The following SGIP1 variants were observed in gnomAD, a reference collection of about 807,000 sequenced individuals.
The protein encoded by SGIP1 is SH3-containing GRB2-like protein 3-interacting protein 1.
In SGIP1, 38 loss-of-function variants were observed where a neutral mutation model predicts 107.5. The observed-to-expected ratio is 0.35, with a 90% CI of 0.27 to 0.46. SGIP1 has a LOEUF of 0.46. Among genes scored for constraint, SGIP1 ranks in the 20% least tolerant of loss-of-function variants. The probability of loss-of-function intolerance (pLI) is 1.00; values close to 1 mark genes in which losing one functional copy is unlikely to be tolerated. For synonymous variants in SGIP1, 365 were observed against 366.1 expected (o/e 1.00, Z 0.03); for missense variants, 929 against 1,019.5 (o/e 0.91, Z 1.21).
At chr1:66,678,878 A>G (rs2085985636) in intron 13 of SGIP1, among the ~76,000 whole-genome samples, 2 of 152,204 alleles carry the variant, frequency 1.3e-5, no homozygotes, top group East Asian at 3.8e-4. Context: ...AAACTTTGGG[A>G]TGGCCTGTGA....
chr1:66,637,471 G>A (rs1000392937), intron 4 of SGIP1, among the ~76,000 whole-genome samples: 2 of 133,712 alleles, frequency 1.5e-5, no homozygotes, highest in African/African-American at 5.0e-5. Flanking sequence ...GTGTGTGTGT[G>A]TGTGTGTGTG....
chr1:66,657,764 G>A (rs143170105), intron 7 of SGIP1, among the ~76,000 whole-genome samples: 1 of 152,040 alleles, frequency 6.6e-6, no homozygotes, highest in Non-Finnish European at 1.5e-5. Flanking sequence ...TTATATTTTA[G>A]GTAAATTTAT....
chr1:66,686,819 CT>C (rs1296013104), intron 15 of SGIP1, among the ~76,000 whole-genome samples: 1 of 152,096 alleles, frequency 6.6e-6, no homozygotes, highest in Non-Finnish European at 1.5e-5. Flanking sequence ...GAACAACGAA[CT>C]TTTTTTTGAC....
At chr1:66,641,713 A>T (rs964845593) in intron 5 of SGIP1, among the ~76,000 whole-genome samples, 9 of 152,184 alleles carry the variant, frequency 5.9e-5, no homozygotes, top group Non-Finnish European at 1.3e-4. Flanking sequence ...GAATCCAAAT[A>T]TGATCATTCT....
chr1:66,598,961 CA>C (rs2065229573), intron 1 of SGIP1, among the ~76,000 whole-genome samples: 1 of 151,964 alleles, frequency 6.6e-6, no homozygotes, highest in Non-Finnish European at 1.5e-5. Context: ...AAGCACAGTC[CA>C]AAATGTAGAA....
intron 3 of SGIP1, chr1:66,634,085 G>GAA (rs745636084): frequency 6.2e-7 from 1 of 1,602,778 alleles, no homozygotes; most frequent in African/African-American, 1.3e-5. Flanking sequence ...TTCAGCAGGG[G>GAA]AAAAAAAAGA....
In SGIP1 at chr1:66,749,600, A is replaced by G. The variant is rs2094598266; in HGVS notation, c.*6505A>G. On this transcript the variant is annotated 3_prime_UTR_variant, in exon 25 of 25. Coordinates refer to ENST00000371037, the MANE Select transcript of SGIP1 (RefSeq NM_032291.4). ...AAACTGAATCACTTTACATTTCTCT[A>G]AAGATAGTTCAGTTTTTAATCCATC... is the stretch of plus-strand genomic sequence containing the variant. Among the ~76,000 whole-genome samples the G allele has an allele frequency of 6.6e-6, 1 of 152,082 alleles. No individual in the cohort carries two copies.
intron 19 of SGIP1, among the ~76,000 whole-genome samples, chr1:66,720,686 AC>A (rs1288072110): frequency 6.6e-6 from 1 of 152,202 alleles, no homozygotes; most frequent in Non-Finnish European, 1.5e-5. Flanking sequence ...TGATCACACC[AC>A]TGCACTCCAG....
At chr1:66,738,081 A>C (rs1557813860) in intron 21 of SGIP1, among the ~76,000 whole-genome samples, 1 of 152,220 alleles carries the variant, frequency 6.6e-6, no homozygotes, top group Non-Finnish European at 1.5e-5. Context: ...GATCTGCTTT[A>C]GTTAATAGAT....
intron 18 of SGIP1, among the ~76,000 whole-genome samples, chr1:66,716,970 G>A (rs1198901567): frequency 4.0e-5 from 6 of 151,634 alleles, no homozygotes; most frequent in Non-Finnish European, 8.8e-5. Context: ...AGTTCCACAC[G>A]TACATAGAAG....
chr1:66,533,865 TA>T, upstream of SGIP1, among the ~76,000 whole-genome samples: 1 of 152,010 alleles, frequency 6.6e-6, no homozygotes, highest in African/African-American at 2.4e-5. Context: ...CCTTGATAAC[TA>T]ATCTCGGGCA....
chr1:66,564,959 A>G (rs186918643), intron 1 of SGIP1, among the ~76,000 whole-genome samples: 3 of 152,130 alleles, frequency 2.0e-5, no homozygotes, highest in Non-Finnish European at 4.4e-5. Flanking sequence ...TGTGGGGCTT[A>G]TAATGATCAG....
chr1:66,619,472 C>T (rs548912814), intron 1 of SGIP1, among the ~76,000 whole-genome samples: 3 of 152,368 alleles, frequency 2.0e-5, no homozygotes, highest in East Asian at 1.9e-4. Context: ...TGGTTTGTAC[C>T]TGCCCCACCT....
At chr1:66,551,024 A>T (rs1301472471) in intron 1 of SGIP1, among the ~76,000 whole-genome samples, 1 of 152,182 alleles carries the variant, frequency 6.6e-6, no homozygotes, top group Non-Finnish European at 1.5e-5. Flanking sequence ...AATAACTAAG[A>T]TTATTATAGC....
At chr1:66,649,746 AC>A (rs1337000262) in intron 7 of SGIP1, among the ~76,000 whole-genome samples, 13 of 79,920 alleles carry the variant, frequency 1.6e-4, no homozygotes, top group South Asian at 2.1e-3. Context: ...ATGCACACAC[AC>A]AAAAAAAATA....
intron 21 of SGIP1, 74 bp downstream of exon 21, chr1:66,733,954 A>T (rs2094125899): frequency 7.1e-7 from 1 of 1,405,266 alleles, no homozygotes; most frequent in African/African-American, 1.4e-5. Context: ...TATTGAATAA[A>T]AGTAACTAAA....
At chr1:66,541,910 C>T (rs12065209) in intron 1 of SGIP1, among the ~76,000 whole-genome samples, 3,786 of 152,174 alleles carry the variant, frequency 0.025, 147 homozygotes, top group African/African-American at 0.085. Context: ...CAACAATGTC[C>T]CCCTTCTTCA....
At chr1:66,625,706 G>A (rs1020200534) in intron 1 of SGIP1, 141 bp from the exon 2 acceptor site, 1 of 616,038 alleles carries the variant, frequency 1.6e-6, no homozygotes, top group Admixed American at 3.1e-5. Flanking sequence ...TGGACATGCA[G>A]ACACACATAC....
intron 2 of SGIP1, among the ~76,000 whole-genome samples, chr1:66,630,855 GA>G (rs1359205804): frequency 4.0e-5 from 1 of 25,008 alleles, no homozygotes; most frequent in African/African-American, 2.4e-4. Context: ...AAGAAAGAAA[GA>G]AAGAAAGAAA....
Sources: gnomAD v4.1 joint callset for allele counts (sites outside exome capture counted in the v4.1 genomes callset) on GRCh38, gnomAD v4.1.1 for gene constraint, MANE v1.5 for transcripts, NCBI Gene and HGNC (gene_info 2026-07-23, HGNC 2026-07-21) for gene names.